DSG2: variants seen among roughly 807,000 people sequenced by gnomAD.
DSG2 encodes desmoglein-2.
Under a neutral mutation model 75.6 loss-of-function variants are expected in DSG2, and 45 were observed. That is an observed-to-expected ratio of 0.60 (90% CI 0.47 to 0.76). The LOEUF (loss-of-function observed/expected upper bound fraction) is 0.76. Ranked by LOEUF, DSG2 falls within the 30% of genes least tolerant of loss-of-function variation. The pLI is 0.00. For synonymous variants in DSG2, 429 were observed against 483.9 expected, an observed-to-expected ratio of 0.89 and a Z score of 1.49; for missense variants, 1,267 against 1,357.4, an observed-to-expected ratio of 0.93 and a Z score of 1.05.
intron 1 of DSG2, among the ~76,000 whole-genome samples, chr18:31,512,954 A>C (rs1308815752): frequency 6.6e-6 from 1 of 152,234 alleles, no homozygotes; most frequent in Non-Finnish European, 1.5e-5. Context: ...AACTTGCAGA[A>C]ATTTTAAGAT....
chr18:31,505,336 C>T (rs546438231), intron 1 of DSG2, among the ~76,000 whole-genome samples: 2 of 152,302 alleles, frequency 1.3e-5, no homozygotes, highest in South Asian at 2.1e-4. Context: ...CCTTGCTAAA[C>T]CTCTCCTGAT....
At chr18:31,518,833 A>G (rs1208010028) in intron 2 of DSG2, among the ~76,000 whole-genome samples, 1 of 152,192 alleles carries the variant, frequency 6.6e-6, no homozygotes, top group Non-Finnish European at 1.5e-5. Flanking sequence ...AACCTAGTAT[A>G]AGGATTATTT....
intron 9 of DSG2, among the ~76,000 whole-genome samples, chr18:31,533,311 A>C (rs990228605): frequency 3.0e-4 from 46 of 152,234 alleles, no homozygotes; most frequent in Admixed American, 2.6e-3. Flanking sequence ...TCTACAAAAA[A>C]AAATTTTTTT....
chr18:31,501,294 A>C (rs554818565), intron 1 of DSG2, among the ~76,000 whole-genome samples: 13 of 152,304 alleles, frequency 8.5e-5, no homozygotes, highest in Non-Finnish European at 1.6e-4. Flanking sequence ...TGGTTGCTTC[A>C]ATTTTGGGTT....
intron 6 of DSG2, 56 bp downstream of exon 6, chr18:31,522,305 CCT>C (rs762873925): frequency 5.3e-6 from 8 of 1,516,434 alleles, no homozygotes; most frequent in Non-Finnish European, 7.3e-6. Context: ...TCCAGTTTCT[CCT>C]CTCTTTTTCT....
intron 13 of DSG2, among the ~76,000 whole-genome samples, chr18:31,541,753 C>T (rs567630936): frequency 1.7e-4 from 26 of 152,324 alleles, no homozygotes; most frequent in African/African-American, 6.0e-4. Context: ...CCCTTTGTCT[C>T]TCTGTTGCAC....
At chr18:31,499,333 T>G (rs1260656938) in intron 1 of DSG2, among the ~76,000 whole-genome samples, 1 of 149,724 alleles carries the variant, frequency 6.7e-6, no homozygotes, top group Non-Finnish European at 1.5e-5. Flanking sequence ...TATCCTCGAG[T>G]TTTGGTGGGA....
At chr18:31,514,100 A>G (rs1214135664) in intron 1 of DSG2, among the ~76,000 whole-genome samples, 2 of 152,228 alleles carry the variant, frequency 1.3e-5, no homozygotes, top group Non-Finnish European at 2.9e-5. Flanking sequence ...GCAAAAGAAC[A>G]TTAGTGGGGG....
chr18:31,513,654 T>A (rs2073078571), intron 1 of DSG2, among the ~76,000 whole-genome samples: 1 of 152,162 alleles, frequency 6.6e-6, no homozygotes, highest in Non-Finnish European at 1.5e-5. Context: ...GATAAGGAAA[T>A]TCAGACTAAA....
chr18:31,522,171 G>T lies in DSG2; in HGVS notation c.612G>T (p.Glu204Asp), dbSNP rs534024203. 1.9e-6 allele frequency: 3 copies of T among 1,613,824 alleles called. No homozygotes were observed. In the South Asian group the frequency reaches 3.3e-5, roughly 18 times the overall value. The change falls in exon 6 of 15, where the codon GAG (glutamate) becomes GAT (aspartate). Residue 204 changes from glutamate to aspartate, a missense_variant. Glu to Asp is a conservative substitution (Grantham distance 45, BLOSUM62 2). Coordinates refer to ENST00000261590, the MANE Select transcript of DSG2 (RefSeq NM_001943.5). ...SKISYRIVSLEPAYPPVFYLN... is the reference protein window; with the variant it reads ...SKISYRIVSLDPAYPPVFYLN... ...TTTCCTATAGAATCGTATCTCTGGA[G>T]CCTGCTTATCCTCCAGTGTTCTACC...
intron 6 of DSG2, among the ~76,000 whole-genome samples, 179 bp from the exon 7 acceptor site, chr18:31,524,269 G>T (rs113798436): frequency 6.6e-6 from 1 of 152,190 alleles, no homozygotes; most frequent in African/African-American, 2.4e-5. Context: ...AGGCTTTTCT[G>T]TTCTTCTGCA....
intron 1 of DSG2, among the ~76,000 whole-genome samples, chr18:31,507,174 G>A (rs577365345): frequency 1.3e-5 from 2 of 152,204 alleles, no homozygotes; most frequent in Admixed American, 1.3e-4. Flanking sequence ...GAGAACATGT[G>A]GTGTTTGGTT....
At chr18:31,503,059 G>C (rs939595021) in intron 1 of DSG2, among the ~76,000 whole-genome samples, 1 of 152,136 alleles carries the variant, frequency 6.6e-6, no homozygotes, top group African/African-American at 2.4e-5. Context: ...TACCGTGGTC[G>C]ATAGTGAGAT....
intron 1 of DSG2, among the ~76,000 whole-genome samples, chr18:31,511,291 A>C (rs1410774375): frequency 6.6e-6 from 1 of 152,186 alleles, no homozygotes; most frequent in African/African-American, 2.4e-5. Flanking sequence ...TCTACCCACT[A>C]GATGCCACTG....
chr18:31,504,821 A>G (rs943339866), intron 1 of DSG2, among the ~76,000 whole-genome samples: 3 of 152,150 alleles, frequency 2.0e-5, no homozygotes, highest in African/African-American at 7.2e-5. Context: ...TGGAAATTGC[A>G]TCTTTCTAGC....
Position 31,522,152 on chromosome 18 carries a change from ATAGAATCGTATCTCTGGAGCCTGC to A in DSG2, c.595_618del (p.Arg199_Ala206del). 1.2e-6 allele frequency: 2 copies of A among 1,613,882 alleles called. No homozygotes were observed. Among genetic ancestry groups the A allele is most frequent in the Non-Finnish European group, 1.7e-6 (2 of 1,179,804 alleles). On this transcript the variant is annotated inframe_deletion, in exon 6 of 15. Coordinates refer to ENST00000261590, the MANE Select transcript of DSG2 (RefSeq NM_001943.5). ...AATACCCTGAATTCGAAAATTTCCTATAGAATCGTATCTCTGGAGCCTGCTTATCCTCCAGTGTTCTACCTAAAT... is the reference window on the plus strand; with the variant it reads ...AATACCCTGAATTCGAAAATTTCCTATTATCCTCCAGTGTTCTACCTAAAT...
At chr18:31,518,375 A>G in intron 2 of DSG2, 101 bp downstream of exon 2, 2 of 1,023,110 alleles carry the variant, frequency 2.0e-6, no homozygotes, top group Non-Finnish European at 3.1e-6. Context: ...CACATGTTGT[A>G]TTAGACCCAG....
chr18:31,521,204 G>T lies in DSG2; in HGVS notation c.484G>T (p.Asp162Tyr), dbSNP rs1028593181. 6 of 1,613,344 alleles carry T rather than the reference G, an allele frequency of 3.7e-6. No individual in the cohort carries two copies. The highest frequency in any genetic ancestry group is 5.1e-6 in the Non-Finnish European group (6 of 1,179,862). ...INDNEPVFTQ[D>Y]VFVGSVEELS... Reference sequence around the variant, plus strand: ...TGACAACGAACCAGTGTTCACACAGGATGTCTTTGTTGGGTCTGTTGAAGA... The same window carrying T: ...TGACAACGAACCAGTGTTCACACAGTATGTCTTTGTTGGGTCTGTTGAAGA... The change falls in exon 5 of 15, where the codon GAT becomes TAT. Residue 162 changes from aspartate (D) to tyrosine (Y), a missense_variant. By Grantham distance (160) the Asp-to-Tyr change is radical. Coordinates refer to ENST00000261590, the MANE Select transcript of DSG2 (RefSeq NM_001943.5).
At chr18:31,505,691 C>T (rs1332465660) in intron 1 of DSG2, among the ~76,000 whole-genome samples, 1 of 133,188 alleles carries the variant, frequency 7.5e-6, no homozygotes, top group Non-Finnish European at 1.6e-5. Flanking sequence ...GAGATGGAGT[C>T]TCTCTCTTTC....
Sources: gnomAD v4.1 joint callset for allele counts (sites outside exome capture counted in the v4.1 genomes callset) on GRCh38, gnomAD v4.1.1 for gene constraint, MANE v1.5 for transcripts, NCBI Gene and HGNC (gene_info 2026-07-23, HGNC 2026-07-21) for gene names.